ADAMTS7: variants seen among roughly 807,000 people sequenced by gnomAD.
ADAMTS7 encodes ADAM metallopeptidase with thrombospondin type 1 motif 7, also known as A disintegrin and metalloproteinase with thrombospondin motifs 7.
Under a neutral mutation model 172.6 loss-of-function variants are expected in ADAMTS7, and 89 were observed. That is an observed-to-expected ratio of 0.52 (90% CI 0.43 to 0.61). ADAMTS7 has a LOEUF of 0.61. Ranked by LOEUF, ADAMTS7 falls within the 20% of genes least tolerant of loss-of-function variation. The pLI is 0.00. For missense variants in ADAMTS7, 1,973 were observed against 2,355.6 expected (o/e 0.84, Z 3.36); for synonymous variants, 885 against 978.4 (o/e 0.90, Z 1.78).
At chr15:78,781,053 A>G (rs2055420890) in intron 8 of ADAMTS7, among the ~76,000 whole-genome samples, 1 of 152,192 alleles carries the variant, frequency 6.6e-6, no homozygotes, top group Non-Finnish European at 1.5e-5. Flanking sequence ...GTTTGGATTC[A>G]GCCCTGTGGG....
intron 4 of ADAMTS7, among the ~76,000 whole-genome samples, chr15:78,792,688 C>T (rs922259891): frequency 3.3e-5 from 5 of 152,160 alleles, no homozygotes; most frequent in African/African-American, 1.2e-4. Flanking sequence ...TGGTGCATGC[C>T]TGTAATCCCA....
chr15:78,800,683 C>G, intron 1 of ADAMTS7, 136 bp from the exon 2 acceptor site: 1 of 750,980 alleles, frequency 1.3e-6, no homozygotes, highest in African/African-American at 1.8e-5. Flanking sequence ...GCCGGGCTAT[C>G]TACTAACTCT....
At chr15:78,760,522 G>C (rs2055026246) in intron 23 of ADAMTS7, among the ~76,000 whole-genome samples, 2 of 152,080 alleles carry the variant, frequency 1.3e-5, no homozygotes, top group Non-Finnish European at 2.9e-5. Flanking sequence ...GTGCACATCT[G>C]CAGGCCTGCA....
chr15:78,782,409 T>C (rs2055440647), intron 8 of ADAMTS7, among the ~76,000 whole-genome samples: 1 of 119,708 alleles, frequency 8.4e-6, no homozygotes, highest in South Asian at 3.1e-4. Context: ...CCTCTTCCAC[T>C]GGAGGCCAGC....
intron 1 of ADAMTS7, among the ~76,000 whole-genome samples, 190 bp from the exon 2 acceptor site, chr15:78,800,737 T>C (rs955341524): frequency 6.6e-6 from 1 of 152,204 alleles, no homozygotes; most frequent in Non-Finnish European, 1.5e-5. Context: ...TCTGGATCGT[T>C]GCAGTAACTT....
chr15:78,768,153 G>A lies in ADAMTS7; in HGVS notation c.2625C>T (p.Ser875=), dbSNP rs748430741. 3.1e-6 allele frequency: 5 copies of A among 1,601,400 alleles called. No individual in the cohort carries two copies. The highest frequency in any genetic ancestry group is 1.1e-5 in the South Asian group (1 of 89,228). The change falls in exon 17 of 24, where the codon AGC becomes AGT. Residue 875 remains serine (S), a synonymous_variant. Coordinates refer to ENST00000388820, the MANE Select transcript of ADAMTS7 (RefSeq NM_014272.5). The part of the protein sequence containing the change: ...GRPDDQQRKC[S]EQPCPARWWA... ...CTCACCTGGCAGGGCAGGGCTGCTC[G>A]CTGCACTTCCTCTGTTGGTCATCAG...
At chr15:78,799,934 C>A (rs1379633407) in intron 2 of ADAMTS7, among the ~76,000 whole-genome samples, 2 of 152,062 alleles carry the variant, frequency 1.3e-5, no homozygotes, top group East Asian at 3.9e-4. Context: ...TCAAGTGATC[C>A]TTTCGCCTCA....
In ADAMTS7 at chr15:78,759,492, A is replaced by G; in HGVS notation, c.4990T>C (p.Cys1664Arg). 1 of 1,597,848 alleles carries G rather than the reference A, an allele frequency of 6.3e-7. No homozygotes were observed. The highest frequency in any genetic ancestry group is 1.7e-5 in the Admixed American group (1 of 59,608). The change falls in exon 24 of 24, where the codon TGC becomes CGC. Residue 1664 changes from cysteine to arginine, a missense_variant. This residue lies in a region of ADAMTS7 where 94 missense variants were observed against 95.4 expected (regional missense o/e 0.99). Transcript: ENST00000388820. ...RCQLPTIRTQ[C>R]CRSCSPPSHG... ...CTGGGCGGAGAGCACGAGCGGCAGCACTGGGTGCGGATGGTGGGCAGCTGG... is the reference window on the plus strand; with the variant it reads ...CTGGGCGGAGAGCACGAGCGGCAGCGCTGGGTGCGGATGGTGGGCAGCTGG...
At position 78,798,131 on chromosome 15, in the gene ADAMTS7, G is replaced by A; in HGVS notation, c.457-18C>T. The stretch of plus-strand genomic sequence containing the variant: ...ACACCTTTCTGGGGAAGAAGCACCA[G>A]GGTCACACAGGGAGGGCTGGCCCTC... On this transcript the variant is annotated intron_variant, in intron 2 of 23. Transcript: ENST00000388820. 2 of 1,536,640 alleles carry A rather than the reference G, an allele frequency of 1.3e-6. No individual in the cohort carries two copies. Among genetic ancestry groups the A allele is most frequent in the Admixed American group, 2.3e-5 (1 of 43,330 alleles).
chr15:78,778,664 G>A (rs181355383), intron 8 of ADAMTS7, among the ~76,000 whole-genome samples: 57 of 152,272 alleles, frequency 3.7e-4, no homozygotes, highest in African/African-American at 1.2e-3. Context: ...GGCAGGACCC[G>A]CGGGACCTGG....
chr15:78,782,419 C>T (rs575205888), intron 8 of ADAMTS7, among the ~76,000 whole-genome samples: 30 of 132,952 alleles, frequency 2.3e-4, no homozygotes, highest in East Asian at 9.9e-4. Flanking sequence ...TGGAGGCCAG[C>T]ATCCTTGCTC....
At position 78,776,773 on chromosome 15, in the gene ADAMTS7, G is replaced by A. The variant is rs143665439; in HGVS notation, c.1536C>T (p.Asp512=). 5.2e-4 allele frequency: 809 copies of A among 1,551,500 alleles called. 3 individuals carry two copies. The highest frequency in any genetic ancestry group is 4.3e-3 in the Middle Eastern group (25 of 5,878). ...CCTTATTCTCCCCACACCGGGTGCC[G>A]TCCACAGCTGCATCCAGCTTGGAGT... ...TCHSKLDAAV[D]GTRCGENKWC... is the part of the protein sequence containing the mutation. The change falls in exon 10 of 24, where the codon GAC becomes GAT. Residue 512 remains aspartate, a synonymous_variant. Transcript: ENST00000388820.
intron 8 of ADAMTS7, among the ~76,000 whole-genome samples, chr15:78,780,425 T>C (rs1019384813): frequency 1.3e-5 from 2 of 152,174 alleles, no homozygotes; most frequent in African/African-American, 2.4e-5. Context: ...ATGGAGTCAC[T>C]GAATGGGGGG....
chr15:78,780,722 C>T (rs1221203740), intron 8 of ADAMTS7, among the ~76,000 whole-genome samples: 2 of 152,216 alleles, frequency 1.3e-5, no homozygotes, highest in Non-Finnish European at 2.9e-5. Flanking sequence ...ACCCTATACT[C>T]GCATGGCCCC....
rs140675597 is a variant in ADAMTS7, at chr15:78,772,567, C to T, written c.2131+516G>A. ...GTTTTATGATTCAGCTCGACTTCCGCCTCCTACAGGAAACCTTCCCTGACT... is the reference window on the plus strand; with the variant it reads ...GTTTTATGATTCAGCTCGACTTCCGTCTCCTACAGGAAACCTTCCCTGACT... On this transcript the variant is annotated intron_variant, in intron 14 of 23. Coordinates refer to ENST00000388820, the MANE Select transcript of ADAMTS7 (RefSeq NM_014272.5). Among the ~76,000 whole-genome samples the T allele has an allele frequency of 2.1e-4, 32 of 152,174 alleles. No individual in the cohort carries two copies. The South Asian group carries it at 3.7e-3, about 18-fold the overall frequency.
chr15:78,773,095 C>A lies in ADAMTS7; in HGVS notation c.2119G>T (p.Ala707Ser), dbSNP rs2055279006. 4.6e-6 allele frequency: 7 copies of A among 1,514,180 alleles called. No individual in the cohort carries two copies. Among genetic ancestry groups the A allele is most frequent in the Non-Finnish European group, 6.3e-6 (7 of 1,108,962 alleles). The allele number at this position is 1,514,180 out of a possible 1,614,324, so 93.8% of individuals were successfully genotyped here. A position where few individuals can be genotyped will look rare whatever the true frequency, so the allele number is the denominator to read the frequency against. Reference protein sequence around the residue: ...CHTVSGTFEEAEGLGYVDVGL... With the variant: ...CHTVSGTFEESEGLGYVDVGL... ...TCCCACCCCATACCCAGGCCCTCGG[C>A]CTCCTCGAAGGTCCCGCTCACGGTG... The change falls in exon 14 of 24, where the codon GCC (alanine) becomes TCC (serine). Residue 707 changes from alanine (A) to serine (S), a missense_variant. This residue lies in a region of ADAMTS7 where 771 missense variants were observed against 952.6 expected (regional missense o/e 0.81). Transcript: ENST00000388820.
intron 23 of ADAMTS7, chr15:78,762,133 C>T: frequency 1.1e-6 from 1 of 950,222 alleles, no homozygotes; most frequent in Non-Finnish European, 1.3e-6. Flanking sequence ...AATCAGGGGC[C>T]AGGGCCACTC....
Position 78,774,236 on chromosome 15 carries a change from G to C in ADAMTS7, c.1941C>G (p.Ala647=). ...GGTAGCAGGGGGTGCCATCGACCAC[G>C]GCGTCCCGCAGCTTCTCGGCAAAGT... ...NEYFAEKLRD[A]VVDGTPCYQV... Residue 647 remains alanine (A), a synonymous_variant, in exon 13 of 24, where the codon GCC becomes GCG. Coordinates refer to ENST00000388820, the MANE Select transcript of ADAMTS7 (RefSeq NM_014272.5). 1 of 1,585,596 alleles carries C rather than the reference G, an allele frequency of 6.3e-7. No individual in the cohort carries two copies. Among genetic ancestry groups the C allele is most frequent in the Non-Finnish European group, 8.5e-7 (1 of 1,174,862 alleles).
intron 1 of ADAMTS7, among the ~76,000 whole-genome samples, chr15:78,802,693 A>T (rs1382998340): frequency 6.6e-6 from 1 of 152,204 alleles, no homozygotes; most frequent in South Asian, 2.1e-4. Context: ...TTTGAAATGC[A>T]TAAAATAAAA....
Sources: allele counts gnomAD v4.1 joint callset (sites outside exome capture counted in the v4.1 genomes callset), GRCh38; gene constraint gnomAD v4.1.1; regional missense constraint gnomAD v4.1.1; transcripts MANE v1.5; gene names NCBI Gene and HGNC (gene_info 2026-07-23, HGNC 2026-07-21).